Variants in CUL9 observed in about 807,000 individuals in gnomAD.
The protein encoded by CUL9 is cullin-9.
A neutral mutation model predicts 272.6 loss-of-function variants in CUL9; 79 were observed. That is an observed-to-expected ratio of 0.29 (90% CI 0.24 to 0.35). The LOEUF (loss-of-function observed/expected upper bound fraction) is 0.35, where lower values mean the gene tolerates loss of function less well. Ranked by LOEUF, CUL9 falls within the 10% of genes least tolerant of loss-of-function variation. CUL9 has a pLI of 1.00. For synonymous variants in CUL9, 1,186 were observed against 1,286.5 expected, an observed-to-expected ratio of 0.92 and a Z score of 1.67; for missense variants, 2,532 against 3,255.6, an observed-to-expected ratio of 0.78 and a Z score of 5.41.
chr6:43,190,626 T>C (rs1371511896), intron 8 of CUL9, among the ~76,000 whole-genome samples: 1 of 152,244 alleles, frequency 6.6e-6, no homozygotes, highest in Non-Finnish European at 1.5e-5. Context: ...TCTAGTCATA[T>C]GTATTACCCA....
At position 43,198,599 on chromosome 6, in the gene CUL9, C is replaced by T. The variant is rs756909473; in HGVS notation, c.2804-10C>T. ...ATCCACATTTTTCCCTCTGGTGTGT[C>T]TGGCTGCAGCACTAGAGACCCCCAT... On this transcript the variant is annotated splice_polypyrimidine_tract_variant and intron_variant, in intron 11 of 40. Transcript: ENST00000252050. The T allele has an allele frequency of 1.9e-6, 3 of 1,613,658 alleles. No individual in the cohort carries two copies. Among genetic ancestry groups the T allele is most frequent in the Non-Finnish European group, 1.7e-6 (2 of 1,179,652 alleles).
At position 43,224,521 on chromosome 6, in the gene CUL9, G is replaced by A; in HGVS notation, c.*76G>A. ...GGGGGCGGGAGCTGCCCCTGTCATA[G>A]GGAGGGGGATTCCCAGCGTCTGTAG... On this transcript the variant is annotated 3_prime_UTR_variant, in exon 41 of 41. Coordinates refer to ENST00000252050, the MANE Select transcript of CUL9 (RefSeq NM_015089.4). The surrounding 1 kb of genome is among the most constrained non-coding windows in gnomAD (Gnocchi z 4.2). 1 of 1,383,388 alleles carries A rather than the reference G, an allele frequency of 7.2e-7. No homozygotes were observed. The highest frequency in any genetic ancestry group is 9.9e-7 in the Non-Finnish European group (1 of 1,013,558). 85.7% of individuals were successfully genotyped at this position (1,383,388 alleles called of 1,614,324 possible). A position where few individuals can be genotyped will look rare whatever the true frequency, so the allele number is the denominator to read the frequency against.
chr6:43,208,791 T>A lies in CUL9; in HGVS notation c.5212+2281T>A, dbSNP rs115492491. On this transcript the variant is annotated intron_variant, in intron 26 of 40. Transcript: ENST00000252050. ...CCTTTTTTTAAATTATGGTAAAATATATCTAGCGTAACATTTGCCATTTTA... is the reference window on the plus strand; with the variant it reads ...CCTTTTTTTAAATTATGGTAAAATAAATCTAGCGTAACATTTGCCATTTTA... 6.3e-3 allele frequency among the ~76,000 whole-genome samples: 954 copies of A among 152,322 alleles called. 5 individuals are homozygous for A. The highest frequency in any genetic ancestry group is 0.021 in the African/African-American group (886 of 41,572).
At chr6:43,211,976 A>G (rs934148981) in intron 26 of CUL9, among the ~76,000 whole-genome samples, 1 of 152,174 alleles carries the variant, frequency 6.6e-6, no homozygotes, top group African/African-American at 2.4e-5. Flanking sequence ...ATTATCTTAC[A>G]TCTCCCTTAC....
At position 43,218,268 on chromosome 6, in the gene CUL9, G is replaced by A. The variant is rs1776072708; in HGVS notation, c.6282+1765G>A. Among the ~76,000 whole-genome samples the A allele has an allele frequency of 6.6e-6, 1 of 152,036 alleles. No homozygotes were observed. The highest frequency in any genetic ancestry group is 1.9e-4 in the East Asian group (1 of 5,192). On this transcript the variant is annotated intron_variant, in intron 31 of 40. Coordinates refer to ENST00000252050, the MANE Select transcript of CUL9 (RefSeq NM_015089.4). The surrounding 1 kb of genome is among the most constrained non-coding windows in gnomAD (Gnocchi z 4.4). Reference sequence around the variant, plus strand: ...GTCTCACTCTGTCACCCAGGCTGCAGTGCAGTGGCGCGATCTCGGCTCATT... The same window carrying A: ...GTCTCACTCTGTCACCCAGGCTGCAATGCAGTGGCGCGATCTCGGCTCATT...
At position 43,215,294 on chromosome 6, in the gene CUL9, C is replaced by T. The variant is rs780945825; in HGVS notation, c.5904C>T (p.Phe1968=). 2.2e-5 allele frequency: 36 copies of T among 1,612,898 alleles called. No individual in the cohort carries two copies. The highest frequency in any genetic ancestry group is 2.8e-5 in the Non-Finnish European group (33 of 1,179,710). ...GCCGGGGTCAGGCAGATGTCCCTTT[C>T]TGTGGCAGCCAGAGCGAAACCTCCA... ...GPCRGQADVP[F]CGSQSETSKP... The change falls in exon 30 of 41, where the codon TTC becomes TTT. Residue 1968 remains phenylalanine, a synonymous_variant. Coordinates refer to ENST00000252050, the MANE Select transcript of CUL9 (RefSeq NM_015089.4).
intron 1 of CUL9, among the ~76,000 whole-genome samples, chr6:43,183,013 A>G (rs1166105424): frequency 3.3e-5 from 5 of 152,226 alleles, no homozygotes; most frequent in Admixed American, 6.5e-5. Flanking sequence ...AGTGCTTTAC[A>G]TACATGATCC....
intron 26 of CUL9, among the ~76,000 whole-genome samples, chr6:43,207,818 T>C (rs1004879289): frequency 6.6e-6 from 1 of 152,230 alleles, no homozygotes; most frequent in Non-Finnish European, 1.5e-5. Flanking sequence ...GTTTCATGTA[T>C]GATTAAGAAG....
rs879046835 is a variant in CUL9 at position 43,223,947 on chromosome 6, CA to C, written c.7285-145del. The C allele has an allele frequency of 1.3e-4, 98 of 771,286 alleles. No individual in the cohort carries two copies. The highest frequency in any genetic ancestry group is 7.8e-4 in the South Asian group (52 of 66,382). 47.8% of individuals were successfully genotyped at this position (771,286 alleles called of 1,614,324 possible). A position where few individuals can be genotyped will look rare whatever the true frequency, so the allele number is the denominator to read the frequency against. On this transcript the variant is annotated intron_variant, in intron 39 of 40. Coordinates refer to ENST00000252050, the MANE Select transcript of CUL9 (RefSeq NM_015089.4). This position sits in a 1 kb window ranked among gnomAD's most constrained non-coding sequence, Gnocchi z 4.1. The stretch of plus-strand genomic sequence containing the variant: ...TGGAGACCATCTGTGGGTGAACTCA[CA>C]AAGGCAGTGTTTCATGAAGTGCTGT...
intron 11 of CUL9, among the ~76,000 whole-genome samples, chr6:43,197,161 C>G (rs922826742): frequency 3.3e-5 from 5 of 152,104 alleles, no homozygotes; most frequent in African/African-American, 1.2e-4. Context: ...ATTCTCATGC[C>G]TCAGCCTCCT....
intron 11 of CUL9, among the ~76,000 whole-genome samples, chr6:43,197,630 C>T (rs1003877827): frequency 5.9e-5 from 9 of 151,376 alleles, no homozygotes; most frequent in Non-Finnish European, 1.0e-4. Flanking sequence ...ATTACAGGTG[C>T]GCACCACCAC....
In CUL9 at chr6:43,205,754, G is replaced by A. The variant is rs377193565; in HGVS notation, c.4794-253G>A. On this transcript the variant is annotated intron_variant, in intron 24 of 40. Transcript: ENST00000252050. ...TGAGGCAGGTGAATCTCTTGAACCC[G>A]GGAGGCAGAGGTTGCAGTGAGCCAA... 3.2e-4 allele frequency among the ~76,000 whole-genome samples: 48 copies of A among 151,976 alleles called. 1 individual carries two copies. In the South Asian group the frequency reaches 6.6e-3, roughly 21 times the overall value.
intron 11 of CUL9, 134 bp downstream of exon 11, chr6:43,196,996 T>C (rs1322217881): frequency 1.4e-6 from 1 of 710,932 alleles, no homozygotes; most frequent in East Asian, 2.7e-5. Flanking sequence ...AGGTCTTAAG[T>C]AGAACTTCCC....
At position 43,187,860 on chromosome 6, in the gene CUL9, A is replaced by G. The variant is rs139667707; in HGVS notation, c.1729A>G (p.Asn577Asp). 32 of 1,614,052 alleles carry G rather than the reference A, an allele frequency of 2.0e-5. No individual in the cohort carries two copies. The African/African-American group carries it at 3.9e-4, about 20-fold the overall frequency. ...CTACACCAAGTATGGGCTGCTGTCTAATGAACCAAGCAGCTCGTCTACTTC... is the reference window on the plus strand; with the variant it reads ...CTACACCAAGTATGGGCTGCTGTCTGATGAACCAAGCAGCTCGTCTACTTC... ...QIYTKYGLLS[N>D]EPSSSSTSRN... Residue 577 changes from asparagine to aspartate, a missense_variant, in exon 7 of 41, where the codon AAT becomes GAT. Transcript: ENST00000252050.
rs1435361961 is a variant in CUL9, at chr6:43,203,396, A to G, written c.3850-21A>G. The G allele has an allele frequency of 1.9e-6, 3 of 1,613,112 alleles. No individual in the cohort carries two copies. Among genetic ancestry groups the G allele is most frequent in the South Asian group, 2.2e-5 (2 of 90,970 alleles). ...GTGGCTCAAGCGGCTTGGGTGACAGATAAGTCTGTGCATGTTCCAGGGCGG... is the reference window on the plus strand; with the variant it reads ...GTGGCTCAAGCGGCTTGGGTGACAGGTAAGTCTGTGCATGTTCCAGGGCGG... On this transcript the variant is annotated intron_variant, in intron 18 of 40. Coordinates refer to ENST00000252050, the MANE Select transcript of CUL9 (RefSeq NM_015089.4). The surrounding 1 kb of genome is among the most constrained non-coding windows in gnomAD (Gnocchi z 5.0).
rs745410650 is a variant in CUL9, at chr6:43,205,055, G to C, written c.4572G>C (p.Leu1524=). 6.2e-7 allele frequency: 1 copy of C among 1,611,232 alleles called. No homozygotes were observed. Among genetic ancestry groups the C allele is most frequent in the African/African-American group, 1.3e-5 (1 of 74,894 alleles). ...ELFGPRAAFM[L]ALRSGFSGAL... ...TTGGGCCTCGGGCAGCCTTCATGCT[G>C]GCTCTGCGCAGTGGCTTCTCTGGCG... Residue 1524 remains leucine (L), a synonymous_variant, in exon 23 of 41, where the codon CTG becomes CTC. Transcript: ENST00000252050.
At position 43,224,473 on chromosome 6, in the gene CUL9, CA is replaced by C. The variant is rs1420330840; in HGVS notation, c.*29del. ...GGGCAGATGCAGGAAACACCTAGAG[CA>C]GCCCCAGAGTCACGGGGCTGAGGGG... On this transcript the variant is annotated 3_prime_UTR_variant, in exon 41 of 41. Coordinates refer to ENST00000252050, the MANE Select transcript of CUL9 (RefSeq NM_015089.4). This position sits in a 1 kb window ranked among gnomAD's most constrained non-coding sequence, Gnocchi z 4.2. 3 of 1,601,544 alleles carry C rather than the reference CA, an allele frequency of 1.9e-6. No homozygotes were observed. The East Asian group carries it at 6.7e-5, about 36-fold the overall frequency.
At position 43,220,648 on chromosome 6, in the gene CUL9, T is replaced by C. The variant is rs754092554; in HGVS notation, c.6423+49T>C. 12 of 1,609,262 alleles carry C rather than the reference T, an allele frequency of 7.5e-6. No homozygotes were observed. The South Asian group carries it at 1.3e-4, about 18-fold the overall frequency. On this transcript the variant is annotated intron_variant, in intron 32 of 40. Coordinates refer to ENST00000252050, the MANE Select transcript of CUL9 (RefSeq NM_015089.4). This position sits in a 1 kb window ranked among gnomAD's most constrained non-coding sequence, Gnocchi z 4.9. ...GCTCCAGTGCAGAGCCAAAGGAGTG[T>C]GCCCCAGGGAGTGGGCTGAGCTATG...
intron 8 of CUL9, among the ~76,000 whole-genome samples, chr6:43,189,775 T>C (rs1773273641): frequency 6.6e-6 from 1 of 151,784 alleles, no homozygotes; most frequent in Non-Finnish European, 1.5e-5. Context: ...ACTCCTAACC[T>C]CAGATGATCC....
Sources: allele counts gnomAD v4.1 joint callset (sites outside exome capture counted in the v4.1 genomes callset), GRCh38; gene constraint gnomAD v4.1.1; non-coding constraint Gnocchi (gnomAD v3.1); transcripts MANE v1.5; gene names NCBI Gene and HGNC (gene_info 2026-07-23, HGNC 2026-07-21).